Variants in DPP10 observed in about 807,000 individuals in gnomAD.
DPP10 encodes the protein dipeptidyl peptidase like 10.
DPP10 carries 33 observed loss-of-function variants against 120.9 expected under a neutral mutation model. The ratio of observed to expected loss-of-function variants is 0.27; its 90% confidence interval spans 0.21 to 0.37. DPP10 has a LOEUF of 0.37. DPP10 is among the 10% of genes least tolerant of loss of function. The pLI is 1.00. For missense variants in DPP10, 816 were observed against 942.8 expected, an observed-to-expected ratio of 0.87 and a Z score of 1.76; for synonymous variants, 337 against 326.1, an observed-to-expected ratio of 1.03 and a Z score of -0.36.
chr2:115,717,040 G>A (rs767267428), intron 7 of DPP10, among the ~76,000 whole-genome samples: 3 of 152,174 alleles, frequency 2.0e-5, no homozygotes, highest in South Asian at 4.1e-4. Flanking sequence ...TTATTGTAAC[G>A]TCAGAGGCTG....
intron 1 of DPP10, among the ~76,000 whole-genome samples, chr2:114,550,188 G>C (rs1231145486): frequency 6.6e-6 from 1 of 152,082 alleles, no homozygotes; most frequent in African/African-American, 2.4e-5. Context: ...AGACTTTACT[G>C]TTCTTGCTAT....
chr2:114,899,050 A>G (rs973310292), intron 1 of DPP10, among the ~76,000 whole-genome samples: 1 of 151,968 alleles, frequency 6.6e-6, no homozygotes, highest in Non-Finnish European at 1.5e-5. Flanking sequence ...CATATTAACT[A>G]TGTAGATGAA....
chr2:115,262,182 A>C (rs559275723), intron 1 of DPP10, among the ~76,000 whole-genome samples: 1 of 152,116 alleles, frequency 6.6e-6, no homozygotes, highest in Non-Finnish European at 1.5e-5. Flanking sequence ...TATTAATTCA[A>C]CGTATTCATT....
At chr2:114,605,602 T>A (rs1692720903) in intron 1 of DPP10, among the ~76,000 whole-genome samples, 1 of 152,084 alleles carries the variant, frequency 6.6e-6, no homozygotes, top group Admixed American at 6.6e-5. Flanking sequence ...CGTAGTTAAG[T>A]TTTTGGGGAG....
intron 3 of DPP10, among the ~76,000 whole-genome samples, chr2:115,411,503 G>T (rs1559562444): frequency 6.6e-6 from 1 of 152,230 alleles, no homozygotes; most frequent in East Asian, 1.9e-4. Flanking sequence ...AGTATTGAAA[G>T]GGGGAGGGAA....
intron 1 of DPP10, among the ~76,000 whole-genome samples, chr2:114,932,608 A>C (rs1454382804): frequency 6.6e-6 from 1 of 152,212 alleles, no homozygotes; most frequent in African/African-American, 2.4e-5. Context: ...AGGTGAATCT[A>C]ATCTATTTTA....
intron 3 of DPP10, among the ~76,000 whole-genome samples, chr2:115,485,204 A>G (rs186463099): frequency 1.1e-4 from 16 of 150,478 alleles, no homozygotes; most frequent in Admixed American, 1.0e-3. Flanking sequence ...TTTCTTAATC[A>G]TCTGAATTTT....
intron 1 of DPP10, among the ~76,000 whole-genome samples, chr2:114,789,569 C>A (rs1683069975): frequency 6.6e-6 from 1 of 152,168 alleles, no homozygotes; most frequent in Non-Finnish European, 1.5e-5. Context: ...TGCATTTTAA[C>A]AAGATCCCCA....
intron 1 of DPP10, among the ~76,000 whole-genome samples, chr2:114,599,726 A>C (rs1226706301): frequency 1.3e-5 from 2 of 151,816 alleles, no homozygotes; most frequent in Non-Finnish European, 2.9e-5. Context: ...TGTATAAGAA[A>C]TCATCACATG....
intron 1 of DPP10, among the ~76,000 whole-genome samples, chr2:115,013,494 G>A (rs1302651383): frequency 6.6e-6 from 1 of 151,942 alleles, no homozygotes; most frequent in Non-Finnish European, 1.5e-5. Context: ...TTCTCAAAGA[G>A]CATCTTTGTG....
intron 1 of DPP10, among the ~76,000 whole-genome samples, chr2:114,893,466 G>A (rs6740990): frequency 0.36 from 54,609 of 151,870 alleles, 10,962 homozygotes; most frequent in South Asian, 0.53. Context: ...GAATATTGGG[G>A]GGTGGATGGG....
intron 1 of DPP10, among the ~76,000 whole-genome samples, chr2:114,925,747 C>T (rs879780243): frequency 1.3e-5 from 2 of 152,068 alleles, no homozygotes; most frequent in Non-Finnish European, 2.9e-5. Context: ...TGAATGTGTA[C>T]GTGCAGGGAT....
At chr2:115,783,585 T>C (rs927659844) in intron 17 of DPP10, among the ~76,000 whole-genome samples, 2 of 152,148 alleles carry the variant, frequency 1.3e-5, no homozygotes, top group East Asian at 1.9e-4. Flanking sequence ...TAAATTTGTG[T>C]TGGGTTTTTG....
intron 10 of DPP10, among the ~76,000 whole-genome samples, chr2:115,746,924 A>T (rs1008001918): frequency 6.6e-6 from 1 of 152,198 alleles, no homozygotes; most frequent in Admixed American, 6.5e-5. Flanking sequence ...GGATAAGTTC[A>T]AAGTTTATTT....
At chr2:114,783,684 A>G (rs112468561) in intron 1 of DPP10, among the ~76,000 whole-genome samples, 5,254 of 152,018 alleles carry the variant, frequency 0.035, 155 homozygotes, top group South Asian at 0.11. Flanking sequence ...AAATGCAAAA[A>G]TTAGCCGGGT....
intron 5 of DPP10, among the ~76,000 whole-genome samples, chr2:115,623,258 G>A (rs2085109685): frequency 6.6e-6 from 1 of 151,984 alleles, no homozygotes; most frequent in African/African-American, 2.4e-5. Flanking sequence ...ACCCTTTACA[G>A]AAAAAGTTCA....
intron 5 of DPP10, among the ~76,000 whole-genome samples, chr2:115,559,107 T>A (rs947182063): frequency 2.0e-5 from 3 of 152,206 alleles, no homozygotes; most frequent in African/African-American, 7.2e-5. Context: ...TATATTTAAT[T>A]TGTTCCCCAA....
At chr2:114,822,563 A>G (rs2106362422) in intron 1 of DPP10, among the ~76,000 whole-genome samples, 1 of 151,664 alleles carries the variant, frequency 6.6e-6, no homozygotes, top group South Asian at 2.1e-4. Context: ...CTCCCCAGAA[A>G]ATTGGTTTTG....
intron 3 of DPP10, among the ~76,000 whole-genome samples, chr2:115,404,618 G>A (rs1380887317): frequency 3.3e-5 from 5 of 151,998 alleles, no homozygotes; most frequent in Non-Finnish European, 7.4e-5. Context: ...CCTGAGACTG[G>A]GTAATCTATT....
Sources: gnomAD v4.1 joint callset for allele counts (sites outside exome capture counted in the v4.1 genomes callset) on GRCh38, gnomAD v4.1.1 for gene constraint, MANE v1.5 for transcripts, NCBI Gene and HGNC (gene_info 2026-07-23, HGNC 2026-07-21) for gene names.